FMN2: variants seen among roughly 807,000 people sequenced by gnomAD.
FMN2 encodes formin 2, also known as formin-2.
Under a neutral mutation model 142.3 loss-of-function variants are expected in FMN2, and 51 were observed. That is an observed-to-expected ratio of 0.36 (90% CI 0.29 to 0.45). FMN2 has a LOEUF of 0.45. Ranked by LOEUF, FMN2 falls within the 20% of genes least tolerant of loss-of-function variation. FMN2 has a pLI of 1.00. For missense variants in FMN2, 1,936 were observed against 2,122.8 expected, an observed-to-expected ratio of 0.91 and a Z score of 1.73; for synonymous variants, 882 against 869.8, an observed-to-expected ratio of 1.01 and a Z score of -0.25.
chr1:240,427,331 G>A (rs766664330), intron 15 of FMN2, among the ~76,000 whole-genome samples: 1 of 151,780 alleles, frequency 6.6e-6, no homozygotes, highest in Non-Finnish European at 1.5e-5. Flanking sequence ...TCAGCCTCCT[G>A]AGTAGCTTGG....
In FMN2 at chr1:240,429,867, CTTTTTTGTTT is replaced by C. The variant is rs1314266015; in HGVS notation, c.4911-8177_4911-8168del. ...ATTAGCAGGGCTGCTGTGAACATTC[CTTTTTTGTTT>C]TTTTTTGTTTTTTTTTTGTTTTTTT... On this transcript the variant is annotated intron_variant, in intron 15 of 17. Coordinates refer to ENST00000319653, the MANE Select transcript of FMN2 (RefSeq NM_020066.5). Among the ~76,000 whole-genome samples the C allele has an allele frequency of 5.2e-4, 77 of 148,968 alleles. 1 individual carries two copies. The highest frequency in any genetic ancestry group is 1.5e-3 in the African/African-American group (60 of 39,248).
In FMN2 at chr1:240,397,720, G is replaced by A. The variant is rs188790805; in HGVS notation, c.4910+5158G>A. Reference sequence around the variant, plus strand: ...CATGAGAATCGCTTGAACCTGGGAGGCGGAGGTTGCAGTGAGCCAAGATCG... The same window carrying A: ...CATGAGAATCGCTTGAACCTGGGAGACGGAGGTTGCAGTGAGCCAAGATCG... On this transcript the variant is annotated intron_variant, in intron 15 of 17. Transcript: ENST00000319653. Among the ~76,000 whole-genome samples the A allele has an allele frequency of 2.8e-3, 409 of 146,892 alleles. 3 individuals are homozygous for A. Among genetic ancestry groups the A allele is most frequent in the Middle Eastern group, 0.015 (4 of 270 alleles).
chr1:240,328,659 G>A (rs1045923499), intron 8 of FMN2, among the ~76,000 whole-genome samples: 3 of 151,736 alleles, frequency 2.0e-5, no homozygotes, highest in Non-Finnish European at 4.4e-5. Flanking sequence ...GTGCAATCTA[G>A]GCTCACTGCA....
intron 15 of FMN2, among the ~76,000 whole-genome samples, chr1:240,399,630 C>T (rs1034318606): frequency 6.6e-6 from 1 of 152,162 alleles, no homozygotes; most frequent in Non-Finnish European, 1.5e-5. Flanking sequence ...CTCATTCCAC[C>T]ACCTCCAGCT....
intron 7 of FMN2, among the ~76,000 whole-genome samples, chr1:240,291,401 C>T (rs1453188999): frequency 2.0e-5 from 3 of 151,928 alleles, no homozygotes; most frequent in South Asian, 2.1e-4. Flanking sequence ...TGTAAAGAGT[C>T]GCAGACAAGG....
chr1:240,281,622 A>G (rs961315476), intron 7 of FMN2, among the ~76,000 whole-genome samples: 4 of 152,220 alleles, frequency 2.6e-5, no homozygotes, highest in African/African-American at 7.2e-5. Context: ...TCTGATATTT[A>G]AAAGCATGTC....
chr1:240,134,919 G>A (rs1662878690), intron 2 of FMN2, among the ~76,000 whole-genome samples: 1 of 152,068 alleles, frequency 6.6e-6, no homozygotes, highest in Admixed American at 6.6e-5. Context: ...CTACGGGGAG[G>A]TAACTGCAAA....
At chr1:240,263,269 T>C (rs1012213726) in intron 7 of FMN2, among the ~76,000 whole-genome samples, 1 of 152,206 alleles carries the variant, frequency 6.6e-6, no homozygotes, top group Admixed American at 6.5e-5. Flanking sequence ...GTGATCTATC[T>C]GAAAGGTTTG....
chr1:240,246,212 A>G (rs574484400), intron 6 of FMN2, among the ~76,000 whole-genome samples: 1 of 152,310 alleles, frequency 6.6e-6, no homozygotes, highest in South Asian at 2.1e-4. Context: ...TAAAAAAAGT[A>G]GAGGGCCAGC....
At chr1:240,466,848 T>C (rs1676635248) in intron 16 of FMN2, among the ~76,000 whole-genome samples, 1 of 152,058 alleles carries the variant, frequency 6.6e-6, no homozygotes, top group Non-Finnish European at 1.5e-5. Flanking sequence ...CTGTGAACAA[T>C]GAAGTATGTG....
At chr1:240,299,110 G>T (rs1670099812) in intron 8 of FMN2, among the ~76,000 whole-genome samples, 1 of 151,908 alleles carries the variant, frequency 6.6e-6, no homozygotes, top group African/African-American at 2.4e-5. Flanking sequence ...GCCACACCGG[G>T]CTAATTTTTG....
chr1:240,251,363 C>G (rs188343800), intron 6 of FMN2, among the ~76,000 whole-genome samples: 1 of 152,042 alleles, frequency 6.6e-6, no homozygotes, highest in East Asian at 1.9e-4. Flanking sequence ...TGTTTAATTT[C>G]CATGTATTTG....
At chr1:240,169,274 C>G (rs10047057) in intron 2 of FMN2, among the ~76,000 whole-genome samples, 48,757 of 151,776 alleles carry the variant, frequency 0.32, 8,613 homozygotes, top group African/African-American at 0.48. Flanking sequence ...ACGAGATATT[C>G]TGTAATGGGA....
At chr1:240,246,180 A>AAAAAAT (rs1273577062) in intron 6 of FMN2, among the ~76,000 whole-genome samples, 6 of 151,304 alleles carry the variant, frequency 4.0e-5, no homozygotes, top group East Asian at 2.0e-4. Context: ...ACTCCCTCTC[A>AAAAAAT]AAAAATAAAA....
At chr1:240,170,193 C>T in intron 2 of FMN2, 1 of 1,210,344 alleles carries the variant, frequency 8.3e-7, no homozygotes, top group South Asian at 1.3e-5. Flanking sequence ...TTATCAAGTG[C>T]AAGGCTGCAG....
At chr1:240,383,329 C>A (rs1673293779) in intron 14 of FMN2, among the ~76,000 whole-genome samples, 1 of 152,072 alleles carries the variant, frequency 6.6e-6, no homozygotes, top group African/African-American at 2.4e-5. Context: ...AACAGACAAC[C>A]TATAGAATGG....
At chr1:240,444,420 A>T (rs1219962809) in intron 16 of FMN2, among the ~76,000 whole-genome samples, 1 of 152,250 alleles carries the variant, frequency 6.6e-6, no homozygotes, top group African/African-American at 2.4e-5. Flanking sequence ...CTGGGCCCCC[A>T]GCCTCATAGT....
chr1:240,143,948 A>C, intron 2 of FMN2: 2 of 1,460,576 alleles, frequency 1.4e-6, no homozygotes, highest in Non-Finnish European at 1.9e-6. Context: ...ACCAAGTCTC[A>C]TGGTGTTGCT....
intron 8 of FMN2, among the ~76,000 whole-genome samples, chr1:240,320,157 A>T (rs1056039280): frequency 6.6e-5 from 10 of 152,118 alleles, no homozygotes; most frequent in Non-Finnish European, 1.3e-4. Flanking sequence ...TCTGCAAATG[A>T]TCAGGGTGAG....
Sources: allele counts gnomAD v4.1 joint callset (sites outside exome capture counted in the v4.1 genomes callset), GRCh38; gene constraint gnomAD v4.1.1; transcripts MANE v1.5; gene names NCBI Gene and HGNC (gene_info 2026-07-23, HGNC 2026-07-21).